The following RAPH1 variants were observed in gnomAD, a reference collection of about 807,000 sequenced individuals.
The protein encoded by RAPH1 is Ras association (RalGDS/AF-6) and pleckstrin homology domains 1, also known as ras-associated and pleckstrin homology domains-containing protein 1.
Under a neutral mutation model 88.1 loss-of-function variants are expected in RAPH1, and 18 were observed. The observed-to-expected ratio is 0.20, with a 90% CI of 0.14 to 0.30. The LOEUF (loss-of-function observed/expected upper bound fraction) is 0.30, where lower values mean the gene tolerates loss of function less well. Among genes scored for constraint, RAPH1 ranks in the 10% least tolerant of loss-of-function variants. The pLI, the probability that RAPH1 is intolerant of heterozygous loss-of-function variation, is 1.00. For synonymous variants in RAPH1, 587 were observed against 559.0 expected (o/e 1.05, Z -0.71); for missense variants, 1,448 against 1,543.2 (o/e 0.94, Z 1.03).
intron 9 of RAPH1, among the ~76,000 whole-genome samples, chr2:203,454,992 G>C (rs1265242636): frequency 6.6e-6 from 1 of 152,158 alleles, no homozygotes; most frequent in African/African-American, 2.4e-5. Context: ...CTATTGTGAA[G>C]ACTAGATGAG....
chr2:203,478,111 G>C (rs1335461675), intron 4 of RAPH1, among the ~76,000 whole-genome samples: 1 of 149,736 alleles, frequency 6.7e-6, no homozygotes, highest in Non-Finnish European at 1.5e-5. Flanking sequence ...TCAGCTCATT[G>C]CAAGCTCCAC....
intron 1 of RAPH1, among the ~76,000 whole-genome samples, chr2:203,506,856 C>CTA (rs1231672342): frequency 0.18 from 5,529 of 30,504 alleles, 417 homozygotes; most frequent in African/African-American, 0.25. Flanking sequence ...CTATCTATAT[C>CTA]TATATATATA....
Position 203,489,890 on chromosome 2 carries a change from C to T in RAPH1, c.426G>A (p.Arg142=). 6.2e-7 allele frequency: 1 copy of T among 1,614,204 alleles called. No homozygotes were observed. The highest frequency in any genetic ancestry group is 8.5e-7 in the Non-Finnish European group (1 of 1,180,026). Residue 142 remains arginine, a synonymous_variant, in exon 4 of 14, where the codon AGG becomes AGA. Coordinates refer to ENST00000319170, the MANE Select transcript of RAPH1 (RefSeq NM_213589.3). The stretch of plus-strand genomic sequence containing the variant: ...AGCTGGCATGGGAAGGTTTAGCTAT[C>T]CTATTAGATGAAGAAGATAATCCTT... ...TLKGLSSSSN[R]IAKPSHASYS...
chr2:203,480,364 C>G (rs1035053086), intron 4 of RAPH1, among the ~76,000 whole-genome samples: 16 of 152,118 alleles, frequency 1.1e-4, no homozygotes, highest in African/African-American at 3.6e-4. Context: ...GCCTGGCCAA[C>G]AGGGCAAAAC....
chr2:203,519,860 A>G (rs760995526), intron 1 of RAPH1, among the ~76,000 whole-genome samples: 4 of 152,236 alleles, frequency 2.6e-5, no homozygotes, highest in Non-Finnish European at 4.4e-5. Context: ...GCAATTCTCC[A>G]GTATCAAACA....
At position 203,441,039 on chromosome 2, in the gene RAPH1, T is replaced by TGGAGGAGGG; in HGVS notation, c.2142_2150dup (p.Pro717_Pro719dup). 1 of 517,982 alleles carries TGGAGGAGGG rather than the reference T, an allele frequency of 1.9e-6. No homozygotes were observed. The highest frequency in any genetic ancestry group is 2.6e-6 in the Non-Finnish European group (1 of 386,034). The allele number at this position is 517,982 out of a possible 1,614,324, so 32.1% of individuals were successfully genotyped here. On this transcript the variant is annotated inframe_insertion, in exon 14 of 14. Transcript: ENST00000319170. ...CCATGGCAGAGCCTGGGGTTGGGGG[T>TGGAGGAGGG]GGAGGAGGGGGAGGGGGTGGTGGAA...
Position 203,491,224 on chromosome 2 carries a change from G to A in RAPH1, c.216C>T (p.Tyr72=). ...CCAATTACATCTTACCATTCAAGTT[G>A]TATATGGAGAAGCGGTAAGAAAAGT... The part of the protein sequence containing the change: ...MANFSYRFSI[Y]NLNEALNQGE... Residue 72 remains tyrosine, a synonymous_variant, in exon 3 of 14, where the codon TAC becomes TAT. Transcript: ENST00000319170. The A allele has an allele frequency of 6.2e-7, 1 of 1,604,680 alleles. No individual in the cohort carries two copies. The highest frequency in any genetic ancestry group is 8.5e-7 in the Non-Finnish European group (1 of 1,171,866).
chr2:203,517,193 A>G (rs1689652962), intron 1 of RAPH1, among the ~76,000 whole-genome samples: 1 of 152,002 alleles, frequency 6.6e-6, no homozygotes, highest in Non-Finnish European at 1.5e-5. Context: ...ACACTAATCA[A>G]AAGAAAGCAG....
chr2:203,447,181 CTTTTTTTTT>C (rs1161851720), intron 12 of RAPH1: 4 of 128,004 alleles, frequency 3.1e-5, no homozygotes, highest in African/African-American at 8.5e-5. Context: ...TCTTTTCTTT[CTTTTTTTTT>C]TTTTTTTTTG....
chr2:203,530,910 T>C (rs1207251380), intron 1 of RAPH1, among the ~76,000 whole-genome samples: 2 of 151,620 alleles, frequency 1.3e-5, no homozygotes, highest in South Asian at 2.1e-4. Context: ...AAAAAAATTA[T>C]ATACACACAT....
intron 1 of RAPH1, among the ~76,000 whole-genome samples, chr2:203,511,697 A>G (rs1382281718): frequency 6.6e-6 from 1 of 151,644 alleles, no homozygotes; most frequent in Admixed American, 6.6e-5. Context: ...TTACATTTCC[A>G]TTTCCCATGT....
chr2:203,441,320 G>C lies in RAPH1; in HGVS notation c.1870C>G (p.Pro624Ala). 1.3e-6 allele frequency: 2 copies of C among 1,568,118 alleles called. No individual in the cohort carries two copies. Among genetic ancestry groups the C allele is most frequent in the Non-Finnish European group, 1.7e-6 (2 of 1,158,080 alleles). ...KIVTPYTASQ[P>A]SPPLPPPPPP... is the part of the protein sequence containing the mutation. ...GGCGGAGGAGGTAGAGGTGGTGAAGGCTGTGAAGCAGTGTAGGGGGTGACT... is the reference window on the plus strand; with the variant it reads ...GGCGGAGGAGGTAGAGGTGGTGAAGCCTGTGAAGCAGTGTAGGGGGTGACT... The change falls in exon 14 of 14, where the codon CCT becomes GCT. Residue 624 changes from proline to alanine, a missense_variant. This residue lies in a region of RAPH1 where 935 missense variants were observed against 890.1 expected (regional missense o/e 1.05). Coordinates refer to ENST00000319170, the MANE Select transcript of RAPH1 (RefSeq NM_213589.3).
intron 4 of RAPH1, among the ~76,000 whole-genome samples, chr2:203,482,173 C>T (rs1355524841): frequency 2.0e-5 from 3 of 151,972 alleles, no homozygotes; most frequent in Non-Finnish European, 4.4e-5. Context: ...TCATCTGATA[C>T]CTATTCCTTT....
intron 4 of RAPH1, among the ~76,000 whole-genome samples, chr2:203,485,266 C>T (rs1159965987): frequency 6.6e-6 from 1 of 152,048 alleles, no homozygotes; most frequent in Non-Finnish European, 1.5e-5. Context: ...CAAAAATTAG[C>T]CAGGCGTGGT....
At position 203,435,100 on chromosome 2, in the gene RAPH1, T is replaced by TTTTC. The variant is rs2098497364; in HGVS notation, c.*4333_*4336dup. The TTTTC allele has an allele frequency of 6.6e-6, 1 of 152,616 alleles. No individual in the cohort carries two copies. The allele number at this position is 152,616 out of a possible 1,614,324, so 9.5% of individuals were successfully genotyped here. On this transcript the variant is annotated 3_prime_UTR_variant, in exon 14 of 14. Coordinates refer to ENST00000319170, the MANE Select transcript of RAPH1 (RefSeq NM_213589.3). ...CAAACCAACTGGAGAAATGTATGTT[T>TTTTC]TTTCTTTTTATTTATCAAGTTTTAT...
chr2:203,504,513 A>T (rs1474995185), intron 1 of RAPH1, among the ~76,000 whole-genome samples: 1 of 152,306 alleles, frequency 6.6e-6, no homozygotes, highest in East Asian at 1.9e-4. Context: ...CCGGCCCACG[A>T]AACCACTTTT....
intron 10 of RAPH1, among the ~76,000 whole-genome samples, chr2:203,451,517 A>G (rs1046136841): frequency 1.3e-5 from 2 of 152,070 alleles, no homozygotes; most frequent in Non-Finnish European, 2.9e-5. Flanking sequence ...TTTCCCCACA[A>G]TATTATGCTG....
intron 1 of RAPH1, among the ~76,000 whole-genome samples, chr2:203,528,516 C>A (rs1412667020): frequency 6.6e-6 from 1 of 152,152 alleles, no homozygotes; most frequent in East Asian, 1.9e-4. Context: ...GAAAGTACAG[C>A]CGAAGAGGCA....
Position 203,437,974 on chromosome 2 carries a change from TGA to T in RAPH1, c.*1461_*1462del, listed in dbSNP as rs1248521223. 6 of 343,224 alleles carry T rather than the reference TGA, an allele frequency of 1.7e-5. No homozygotes were observed. Among genetic ancestry groups the T allele is most frequent in the Admixed American group, 1.6e-4 (4 of 25,100 alleles). 21.3% of individuals were successfully genotyped at this position (343,224 alleles called of 1,614,324 possible). ...AATAGTCCAATTTATCATAAGTTGATGAGAGTACTTATTTCTCTCATGTACCA... is the reference window on the plus strand; with the variant it reads ...AATAGTCCAATTTATCATAAGTTGATGAGTACTTATTTCTCTCATGTACCA... On this transcript the variant is annotated 3_prime_UTR_variant, in exon 14 of 14. Coordinates refer to ENST00000319170, the MANE Select transcript of RAPH1 (RefSeq NM_213589.3).
Sources: gnomAD v4.1 joint callset for allele counts (sites outside exome capture counted in the v4.1 genomes callset) on GRCh38, gnomAD v4.1.1 for gene constraint, gnomAD v4.1.1 regional missense constraint, MANE v1.5 for transcripts, NCBI Gene and HGNC (gene_info 2026-07-23, HGNC 2026-07-21) for gene names.